The following CDC42SE2 variants were observed in gnomAD, a reference collection of about 807,000 sequenced individuals.
CDC42SE2 encodes the protein CDC42 small effector protein 2.
CDC42SE2 carries 3 observed loss-of-function variants against 11.5 expected under a neutral mutation model. The ratio of observed to expected loss-of-function variants is 0.26; its 90% CI spans 0.12 to 0.67. CDC42SE2 has a LOEUF of 0.67. CDC42SE2 is among the 30% of genes least tolerant of loss of function. The pLI is 0.80. For synonymous variants in CDC42SE2, 33 were observed against 34.8 expected (o/e 0.95, Z 0.18); for missense variants, 82 against 106.8 (o/e 0.77, Z 1.02).
upstream of CDC42SE2, chr5:131,263,858 C>T (rs1580718253): frequency 6.6e-6 from 1 of 152,300 alleles, no homozygotes; most frequent in Admixed American, 6.5e-5. Context: ...GGCTCGAATC[C>T]CGGGGGTCCC....
chr5:131,322,397 A>G (rs1758210905), intron 2 of CDC42SE2, among the ~76,000 whole-genome samples: 1 of 152,198 alleles, frequency 6.6e-6, no homozygotes, highest in Admixed American at 6.5e-5. Context: ...TAGATTCCTC[A>G]TGTAAATGGA....
upstream of CDC42SE2, among the ~76,000 whole-genome samples, chr5:131,242,045 C>T (rs1756544611): frequency 6.6e-6 from 1 of 152,098 alleles, no homozygotes; most frequent in Non-Finnish European, 1.5e-5. Context: ...TATTCATTTG[C>T]CCCACCTAAT....
At chr5:131,368,830 A>G (rs936459036) in intron 3 of CDC42SE2, among the ~76,000 whole-genome samples, 1 of 152,184 alleles carries the variant, frequency 6.6e-6, no homozygotes, top group Non-Finnish European at 1.5e-5. Flanking sequence ...ATATTTCAGT[A>G]TCCCTAAAAG....
At chr5:131,233,473 T>C in the CDC42SE2 span, among the ~76,000 whole-genome samples, 1 of 152,192 alleles carries the variant, frequency 6.6e-6, no homozygotes, top group Admixed American at 6.5e-5. Flanking sequence ...GTTCAAGTGA[T>C]TCTCCTGCCT....
intron 1 of CDC42SE2, among the ~76,000 whole-genome samples, chr5:131,299,482 C>T (rs1757636933): frequency 6.6e-6 from 1 of 152,046 alleles, no homozygotes; most frequent in African/African-American, 2.4e-5. Flanking sequence ...TTGTTTCTGG[C>T]TTCGTAAACT....
At chr5:131,328,778 G>A (rs566477556) in intron 2 of CDC42SE2, among the ~76,000 whole-genome samples, 1 of 152,278 alleles carries the variant, frequency 6.6e-6, no homozygotes, top group South Asian at 2.1e-4. Flanking sequence ...ATCTGTTAGG[G>A]AATTTATGTC....
At chr5:131,228,052 C>CA in the CDC42SE2 span, among the ~76,000 whole-genome samples, 2 of 152,122 alleles carry the variant, frequency 1.3e-5, no homozygotes, top group Non-Finnish European at 2.9e-5. Context: ...ACTAAAAATA[C>CA]AAAAAATAGC....
chr5:131,348,961 C>T (rs928732471), intron 2 of CDC42SE2, among the ~76,000 whole-genome samples: 17 of 152,078 alleles, frequency 1.1e-4, no homozygotes, highest in Admixed American at 6.6e-4. Flanking sequence ...AACTGGATCC[C>T]TTCCCTACAC....
the CDC42SE2 span, among the ~76,000 whole-genome samples, chr5:131,234,774 T>C: frequency 6.6e-6 from 1 of 152,042 alleles, no homozygotes; most frequent in Non-Finnish European, 1.5e-5. Flanking sequence ...AAGCTGGTGG[T>C]CCAATGTCCA....
intron 2 of CDC42SE2, among the ~76,000 whole-genome samples, chr5:131,339,137 A>G (rs1465264676): frequency 1.3e-5 from 2 of 149,622 alleles, no homozygotes; most frequent in African/African-American, 5.0e-5. Flanking sequence ...GGTCTCAGCT[A>G]CTCGGCAGAC....
rs955131356 is a variant in CDC42SE2 at position 131,394,635 on chromosome 5, A to G, written c.*3544A>G. On this transcript the variant is annotated 3_prime_UTR_variant, in exon 5 of 5. Transcript: ENST00000505065. ...GGCTTGTAGATACTAAAAAGAAAGT[A>G]TTGATTTTGATTCAATAAATGTTTT... 1 of 152,318 alleles carries G rather than the reference A, an allele frequency of 6.6e-6. No individual in the cohort carries two copies. The highest frequency in any genetic ancestry group is 2.4e-5 in the African/African-American group (1 of 41,454). The allele number at this position is 152,318 out of a possible 1,614,324, so 9.4% of individuals were successfully genotyped here.
At chr5:131,323,473 T>C (rs1400277579) in intron 2 of CDC42SE2, among the ~76,000 whole-genome samples, 1 of 151,564 alleles carries the variant, frequency 6.6e-6, no homozygotes, top group East Asian at 1.9e-4. Context: ...TGTATCTGAA[T>C]GTGCTTTGTT....
rs573647693 is a variant in CDC42SE2 at position 131,319,974 on chromosome 5, C to T, written c.-286+3830C>T. On this transcript the variant is annotated intron_variant, in intron 2 of 4. Transcript: ENST00000505065. ...GCCAAGGCAGAAGAATGGCGTGAAC[C>T]CGGGAGGCAGAAGTTGCAGTGAGCG... is the stretch of plus-strand genomic sequence containing the variant. Among the ~76,000 whole-genome samples, 3 of 148,368 alleles carry T rather than the reference C, an allele frequency of 2.0e-5. No homozygotes were observed. In the South Asian group the frequency reaches 6.4e-4, roughly 31 times the overall value.
At chr5:131,328,766 A>G (rs1561586260) in intron 2 of CDC42SE2, among the ~76,000 whole-genome samples, 1 of 152,158 alleles carries the variant, frequency 6.6e-6, no homozygotes, top group East Asian at 1.9e-4. Flanking sequence ...TAGTCTAATA[A>G]TATCTGTTAG....
At chr5:131,304,080 C>T (rs1355024871) in intron 1 of CDC42SE2, among the ~76,000 whole-genome samples, 1 of 152,014 alleles carries the variant, frequency 6.6e-6, no homozygotes, top group African/African-American at 2.4e-5. Context: ...GCACCTCAGC[C>T]TTCCAAGTAG....
At chr5:131,388,946 C>T (rs1750570702) in intron 4 of CDC42SE2, among the ~76,000 whole-genome samples, 1 of 152,062 alleles carries the variant, frequency 6.6e-6, no homozygotes, top group Admixed American at 6.6e-5. Context: ...GATCATCCTG[C>T]CTCAGCCTCC....
chr5:131,284,768 C>T (rs537405918), intron 1 of CDC42SE2, among the ~76,000 whole-genome samples: 26 of 152,244 alleles, frequency 1.7e-4, no homozygotes, highest in African/African-American at 6.0e-4. Flanking sequence ...CTACTGGGCC[C>T]AGCCCCCAAT....
At chr5:131,282,661 C>G (rs1374847513) in intron 1 of CDC42SE2, among the ~76,000 whole-genome samples, 1 of 152,032 alleles carries the variant, frequency 6.6e-6, no homozygotes, top group African/African-American at 2.4e-5. Flanking sequence ...TGGAATCTTG[C>G]TCTGTCACCT....
intron 1 of CDC42SE2, among the ~76,000 whole-genome samples, chr5:131,285,157 A>C (rs1035652177): frequency 1.3e-5 from 2 of 151,736 alleles, no homozygotes; most frequent in Admixed American, 1.3e-4. Context: ...GAGGTGGTAT[A>C]CACCTTTGTC....
Sources: gnomAD v4.1 joint callset for allele counts (sites outside exome capture counted in the v4.1 genomes callset) on GRCh38, gnomAD v4.1.1 for gene constraint, MANE v1.5 for transcripts, NCBI Gene and HGNC (gene_info 2026-07-23, HGNC 2026-07-21) for gene names.